The following SLCO2B1 variants were observed in gnomAD, a reference collection of about 807,000 sequenced individuals.
SLCO2B1 encodes OATP-RP2.
SLCO2B1 carries 41 observed loss-of-function variants against 67.3 expected under a neutral mutation model. That is an observed-to-expected ratio of 0.61 (90% confidence interval 0.47 to 0.79). SLCO2B1 has a LOEUF of 0.79. SLCO2B1 is among the 30% of genes least tolerant of loss of function. SLCO2B1 has a pLI of 0.00. For missense variants in SLCO2B1, 837 were observed against 920.1 expected (o/e 0.91, Z 1.17); for synonymous variants, 379 against 381.4 (o/e 0.99, Z 0.07).
At position 75,162,859 on chromosome 11, in the gene SLCO2B1, C is replaced by A. The variant is rs1218193529; in HGVS notation, c.147+74C>A. On this transcript the variant is annotated intron_variant, in intron 2 of 13. Transcript: ENST00000289575. ...CTGCCACGTGCTGGTGGTGTAATGCCAAGGAAGACTTTCTCTGAGCCTCGG... is the reference window on the plus strand; with the variant it reads ...CTGCCACGTGCTGGTGGTGTAATGCAAAGGAAGACTTTCTCTGAGCCTCGG... The A allele has an allele frequency of 1.3e-5, 20 of 1,508,222 alleles. 1 individual carries two copies. Among genetic ancestry groups the A allele is most frequent in the African/African-American group, 1.3e-4 (9 of 71,352 alleles). The allele number at this position is 1,508,222 out of a possible 1,614,324, so 93.4% of individuals were successfully genotyped here.
chr11:75,154,598 C>G (rs1400110010), intron 1 of SLCO2B1, among the ~76,000 whole-genome samples: 1 of 152,224 alleles, frequency 6.6e-6, no homozygotes, highest in Admixed American at 6.5e-5. Flanking sequence ...AGAACTGGGG[C>G]TCAAACTTGA....
chr11:75,155,264 GC>G, intron 1 of SLCO2B1, among the ~76,000 whole-genome samples: 1 of 152,172 alleles, frequency 6.6e-6, no homozygotes, highest in East Asian at 1.9e-4. Context: ...CAAGCCCAAT[GC>G]CTGGAGACAT....
intron 4 of SLCO2B1, among the ~76,000 whole-genome samples, chr11:75,166,500 C>T (rs1232550460): frequency 6.6e-6 from 1 of 152,148 alleles, no homozygotes; most frequent in African/African-American, 2.4e-5. Context: ...ATGGATGTCT[C>T]TTACAGAATG....
intron 1 of SLCO2B1, chr11:75,151,944 G>A (rs920796325): frequency 1.9e-5 from 3 of 157,880 alleles, no homozygotes; most frequent in Admixed American, 1.3e-4. Flanking sequence ...AGAATCAGAC[G>A]GGGACAGGTG....
At chr11:75,189,664 G>A (rs2140333838) in intron 8 of SLCO2B1, among the ~76,000 whole-genome samples, 1 of 152,148 alleles carries the variant, frequency 6.6e-6, no homozygotes, top group South Asian at 2.1e-4. Context: ...TTTGATGTTG[G>A]GGCAGGACAT....
At chr11:75,204,314 T>C in intron 13 of SLCO2B1, 86 bp from the exon 14 acceptor site, 3 of 1,373,512 alleles carry the variant, frequency 2.2e-6, no homozygotes, top group Non-Finnish European at 3.0e-6. Context: ...CCTCAGTATC[T>C]CTGATTTCAC....
rs370209330 is a variant in SLCO2B1, at chr11:75,174,855, C to A, written c.972+2286C>A. Reference sequence around the variant, plus strand: ...AGAAGCAAAGTTTAGGGGTGGGAGACCACGCTGGGCTCTGTCACATGCCAG... The same window carrying A: ...AGAAGCAAAGTTTAGGGGTGGGAGAACACGCTGGGCTCTGTCACATGCCAG... On this transcript the variant is annotated intron_variant, in intron 7 of 13. Coordinates refer to ENST00000289575, the MANE Select transcript of SLCO2B1 (RefSeq NM_007256.5). Among the ~76,000 whole-genome samples the A allele has an allele frequency of 3.3e-4, 50 of 152,272 alleles. 1 individual carries two copies. Among genetic ancestry groups the A allele is most frequent in the African/African-American group, 1.1e-3 (47 of 41,546 alleles).
Position 75,164,118 on chromosome 11 carries a change from C to T in SLCO2B1, c.285+18C>T, listed in dbSNP as rs1366682005. ...TCAACGAGGTACAGGCCCCACCCAGCCACAGGGGTGGACACTGAGGGAGGC... is the reference window on the plus strand; with the variant it reads ...TCAACGAGGTACAGGCCCCACCCAGTCACAGGGGTGGACACTGAGGGAGGC... On this transcript the variant is annotated intron_variant, in intron 3 of 13. Transcript: ENST00000289575. 2 of 1,604,336 alleles carry T rather than the reference C, an allele frequency of 1.2e-6. No homozygotes were observed. The highest frequency in any genetic ancestry group is 4.5e-5 in the East Asian group (2 of 44,564).
At chr11:75,188,611 A>G (rs1253371010) in intron 8 of SLCO2B1, among the ~76,000 whole-genome samples, 1 of 152,200 alleles carries the variant, frequency 6.6e-6, no homozygotes, top group Non-Finnish European at 1.5e-5. Flanking sequence ...CTGTAGTCTC[A>G]GCTGCTTGGG....
Position 75,165,300 on chromosome 11 carries a change from C to T in SLCO2B1, c.286-487C>T, listed in dbSNP as rs532461328. ...TGCAAAAATTAGCTGAGCATGGTGG[C>T]GCATGCCTGTAATCTCAGCTACTTG... On this transcript the variant is annotated intron_variant, in intron 3 of 13. Transcript: ENST00000289575. Among the ~76,000 whole-genome samples the T allele has an allele frequency of 4.6e-5, 7 of 152,172 alleles. No homozygotes were observed. The South Asian group carries it at 1.0e-3, about 23-fold the overall frequency.
intron 8 of SLCO2B1, among the ~76,000 whole-genome samples, chr11:75,188,492 G>A (rs78573903): frequency 1.3e-5 from 2 of 152,110 alleles, no homozygotes; most frequent in South Asian, 2.1e-4. Context: ...TTGGGAGGCC[G>A]AGGTGGACGG....
intron 13 of SLCO2B1, 75 bp downstream of exon 13, chr11:75,203,502 G>A: frequency 6.3e-7 from 1 of 1,582,814 alleles, no homozygotes; most frequent in Admixed American, 1.7e-5. Context: ...TACCAGCAGG[G>A]AGGGGAGGTT....
chr11:75,172,297 T>A lies in SLCO2B1; in HGVS notation c.782-82T>A, dbSNP rs1461241032. On this transcript the variant is annotated intron_variant, in intron 6 of 13. Transcript: ENST00000289575. Reference sequence around the variant, plus strand: ...CTCCCAGCCTGGGCCACCTCATGTCTCAGAGGCCAGTCCCAGGATGGCGGC... The same window carrying A: ...CTCCCAGCCTGGGCCACCTCATGTCACAGAGGCCAGTCCCAGGATGGCGGC... 6.8e-6 allele frequency: 9 copies of A among 1,331,746 alleles called. No individual in the cohort carries two copies. In the East Asian group the frequency reaches 1.9e-4, roughly 28 times the overall value. The allele number at this position is 1,331,746 out of a possible 1,614,324, so 82.5% of individuals were successfully genotyped here. A position where few individuals can be genotyped will look rare whatever the true frequency, so the allele number is the denominator to read the frequency against.
intron 7 of SLCO2B1, among the ~76,000 whole-genome samples, chr11:75,182,619 G>T (rs1950104138): frequency 6.6e-6 from 1 of 152,028 alleles, no homozygotes; most frequent in African/African-American, 2.4e-5. Context: ...GCGTGTGCTT[G>T]TAGTCTCAGC....
At chr11:75,180,592 A>ATC (rs1461689128) in intron 7 of SLCO2B1, among the ~76,000 whole-genome samples, 2 of 152,228 alleles carry the variant, frequency 1.3e-5, no homozygotes, top group Non-Finnish European at 2.9e-5. Context: ...GTGAGATGAT[A>ATC]TCCCACTGTG....
chr11:75,165,405 C>T (rs1395818560), intron 3 of SLCO2B1, among the ~76,000 whole-genome samples: 1 of 148,842 alleles, frequency 6.7e-6, no homozygotes, highest in African/African-American at 2.5e-5. Flanking sequence ...GCACTCCAGC[C>T]AGGGCGATGA....
At chr11:75,183,281 A>T (rs1473040422) in intron 7 of SLCO2B1, among the ~76,000 whole-genome samples, 1 of 152,196 alleles carries the variant, frequency 6.6e-6, no homozygotes, top group East Asian at 1.9e-4. Flanking sequence ...TGTGTATTTT[A>T]TGCCTACAGC....
chr11:75,166,344 G>A (rs1473314869), intron 4 of SLCO2B1, among the ~76,000 whole-genome samples: 1 of 152,190 alleles, frequency 6.6e-6, no homozygotes, highest in East Asian at 1.9e-4. Flanking sequence ...TTAATGTGTA[G>A]TCACGCATTT....
chr11:75,170,589 C>A (rs552760524), intron 6 of SLCO2B1, among the ~76,000 whole-genome samples: 7 of 152,286 alleles, frequency 4.6e-5, no homozygotes, highest in African/African-American at 1.7e-4. Flanking sequence ...GTCCTGGGAG[C>A]CTCAGGTGAC....
Sources: allele counts gnomAD v4.1 joint callset (sites outside exome capture counted in the v4.1 genomes callset), GRCh38; gene constraint gnomAD v4.1.1; transcripts MANE v1.5; gene names NCBI Gene and HGNC (gene_info 2026-07-23, HGNC 2026-07-21).